The following CNTNAP2 variants were observed in gnomAD, a reference collection of about 807,000 sequenced individuals.
CNTNAP2 encodes contactin associated protein 2, also known as contactin-associated protein-like 2.
A neutral mutation model predicts 155.2 loss-of-function variants in CNTNAP2; 98 were observed. The observed-to-expected ratio is 0.63, with a 90% CI of 0.54 to 0.75. The LOEUF is 0.75. Among genes scored for constraint, CNTNAP2 ranks in the 30% least tolerant of loss-of-function variants. CNTNAP2 has a pLI of 0.00. For missense variants in CNTNAP2, 1,727 were observed against 1,688.1 expected (o/e 1.02, Z -0.40); for synonymous variants, 651 against 631.2 (o/e 1.03, Z -0.47).
chr7:148,075,809 T>C (rs1214801857), intron 15 of CNTNAP2, among the ~76,000 whole-genome samples: 1 of 152,238 alleles, frequency 6.6e-6, no homozygotes, highest in East Asian at 1.9e-4. Flanking sequence ...ATGACCTGGC[T>C]ATAGCTTGGG....
At chr7:146,751,852 A>G (rs1006858704) in intron 1 of CNTNAP2, among the ~76,000 whole-genome samples, 9 of 151,628 alleles carry the variant, frequency 5.9e-5, no homozygotes, top group Non-Finnish European at 1.0e-4. Flanking sequence ...TTCACCTCCC[A>G]CTTATGAGTG....
chr7:146,662,083 A>G (rs1357778542), intron 1 of CNTNAP2, among the ~76,000 whole-genome samples: 4 of 151,210 alleles, frequency 2.6e-5, no homozygotes, highest in Non-Finnish European at 5.9e-5. Flanking sequence ...TGTGTTTGCC[A>G]TCCTTATCTG....
At position 146,290,325 on chromosome 7, in the gene CNTNAP2, C is replaced by A. The variant is rs1018065146; in HGVS notation, c.97+173352C>A. Among the ~76,000 whole-genome samples, 7 of 152,270 alleles carry A rather than the reference C, an allele frequency of 4.6e-5. No individual in the cohort carries two copies. The South Asian group carries it at 1.0e-3, about 23-fold the overall frequency. On this transcript the variant is annotated intron_variant, in intron 1 of 23. Transcript: ENST00000361727. ...CTTGAGCATGAATCCCGTCTTAACC[C>A]TCAGTTTAGCAAACCCTATCAGTTA...
chr7:147,932,255 C>A (rs565444286), intron 14 of CNTNAP2, among the ~76,000 whole-genome samples: 1 of 152,268 alleles, frequency 6.6e-6, no homozygotes, highest in Non-Finnish European at 1.5e-5. Context: ...TCCCAAATAG[C>A]TAAAACAATC....
chr7:148,351,763 G>GAAAAAAAAAAAAA (rs1798431376), intron 21 of CNTNAP2, among the ~76,000 whole-genome samples: 1 of 79,772 alleles, frequency 1.3e-5, no homozygotes, highest in African/African-American at 4.5e-5. Flanking sequence ...AAAAAAAATA[G>GAAAAAAAAAAAAA]AAACCGAGAC....
chr7:146,872,744 C>T (rs1285492604), intron 3 of CNTNAP2, among the ~76,000 whole-genome samples: 1 of 152,150 alleles, frequency 6.6e-6, no homozygotes, highest in African/African-American at 2.4e-5. Flanking sequence ...CTTAGAAATA[C>T]TGTATGCACA....
At chr7:147,598,506 A>G (rs1221929915) in intron 12 of CNTNAP2, among the ~76,000 whole-genome samples, 1 of 152,196 alleles carries the variant, frequency 6.6e-6, no homozygotes, top group East Asian at 1.9e-4. Context: ...TGCAAAGGAC[A>G]TGAACTCATT....
At chr7:146,222,660 T>C (rs1329683162) in intron 1 of CNTNAP2, among the ~76,000 whole-genome samples, 1 of 113,754 alleles carries the variant, frequency 8.8e-6, no homozygotes, top group African/African-American at 4.1e-5. Flanking sequence ...AAAGGTAAAT[T>C]TTTTTTTTTT....
At position 147,753,174 on chromosome 7, in the gene CNTNAP2, A is replaced by G. The variant is rs145572197; in HGVS notation, c.2098+113868A>G. 3.2e-3 allele frequency among the ~76,000 whole-genome samples: 490 copies of G among 152,310 alleles called. 6 individuals carry two copies. Among genetic ancestry groups the G allele is most frequent in the African/African-American group, 0.011 (461 of 41,558 alleles). On this transcript the variant is annotated intron_variant, in intron 13 of 23. Coordinates refer to ENST00000361727, the MANE Select transcript of CNTNAP2 (RefSeq NM_014141.6). ...TTATTTCTATTTTGAACTGAATGTA[A>G]AGCTGATTACCCATCAGAGAAGAAG...
At chr7:146,498,681 C>CAA (rs35142261) in intron 1 of CNTNAP2, among the ~76,000 whole-genome samples, 7 of 140,340 alleles carry the variant, frequency 5.0e-5, no homozygotes, top group Non-Finnish European at 1.1e-4. Flanking sequence ...AAGAAAGTTG[C>CAA]AAAAAAAAAA....
chr7:148,281,951 A>G (rs1214754125), intron 21 of CNTNAP2, among the ~76,000 whole-genome samples: 1 of 147,346 alleles, frequency 6.8e-6, no homozygotes, highest in Non-Finnish European at 1.5e-5. Context: ...TTCTCCTGTG[A>G]GTAGCTGAGA....
chr7:147,078,755 T>C (rs1046632338), intron 4 of CNTNAP2, among the ~76,000 whole-genome samples: 2 of 108,154 alleles, frequency 1.8e-5, no homozygotes, highest in Non-Finnish European at 3.2e-5. Flanking sequence ...TCTCATTTAA[T>C]TTTTTTTTTT....
chr7:147,798,752 T>C (rs993227744), intron 13 of CNTNAP2, among the ~76,000 whole-genome samples: 3 of 152,156 alleles, frequency 2.0e-5, no homozygotes, highest in African/African-American at 7.2e-5. Context: ...AATCAGACTA[T>C]CCTGGATGTA....
chr7:147,468,841 C>CT (rs1158173056), intron 10 of CNTNAP2, among the ~76,000 whole-genome samples: 874 of 57,002 alleles, frequency 0.015, 11 homozygotes, highest in African/African-American at 0.082. Flanking sequence ...TCTTCTTCTT[C>CT]TTTTTTTTTT....
intron 23 of CNTNAP2, 102 bp from the exon 24 acceptor site, chr7:148,415,315 T>TG: frequency 8.4e-7 from 1 of 1,186,758 alleles, no homozygotes; most frequent in Non-Finnish European, 1.2e-6. Flanking sequence ...GTGTTTTATA[T>TG]GGGAGAGGGC....
chr7:146,758,100 T>C (rs915907929), intron 1 of CNTNAP2, among the ~76,000 whole-genome samples: 7 of 152,188 alleles, frequency 4.6e-5, no homozygotes, highest in African/African-American at 1.7e-4. Flanking sequence ...CCCAATTCCT[T>C]TCTAGATGAG....
At chr7:147,253,534 T>C (rs532012797) in intron 8 of CNTNAP2, among the ~76,000 whole-genome samples, 78 of 152,174 alleles carry the variant, frequency 5.1e-4, no homozygotes, top group Admixed American at 2.9e-3. Flanking sequence ...AGGATCCACA[T>C]TGGGAACAGG....
intron 21 of CNTNAP2, among the ~76,000 whole-genome samples, chr7:148,305,988 CCTTCTG>C (rs201337234): frequency 0.019 from 2,952 of 152,248 alleles, 26 homozygotes; most frequent in Middle Eastern, 0.048. Context: ...ATGGAGCCAT[CCTTCTG>C]TAGCTTCCTG....
At chr7:146,653,292 C>A (rs1257508427) in intron 1 of CNTNAP2, among the ~76,000 whole-genome samples, 1 of 152,074 alleles carries the variant, frequency 6.6e-6, no homozygotes, top group East Asian at 1.9e-4. Context: ...AACTCTGCAC[C>A]TTTACTGATA....
Sources: gnomAD v4.1 joint callset for allele counts (sites outside exome capture counted in the v4.1 genomes callset) on GRCh38, gnomAD v4.1.1 for gene constraint, MANE v1.5 for transcripts, NCBI Gene and HGNC (gene_info 2026-07-23, HGNC 2026-07-21) for gene names.